Variants in SCHIP1 observed in about 807,000 individuals in gnomAD.
SCHIP1 encodes schwannomin interacting protein 1, also known as schwannomin-interacting protein 1.
SCHIP1 carries 8 observed loss-of-function variants against 29.7 expected under a neutral mutation model. The observed-to-expected ratio is 0.27, with a 90% CI of 0.16 to 0.49. SCHIP1 has a LOEUF of 0.49. Ranked by LOEUF, SCHIP1 falls within the 20% of genes least tolerant of loss-of-function variation. The probability of loss-of-function intolerance (pLI) is 0.99; values close to 1 mark genes in which losing one functional copy is unlikely to be tolerated. For missense variants in SCHIP1, 193 were observed against 294.6 expected (o/e 0.66, Z 2.52); for synonymous variants, 76 against 94.9 (o/e 0.80, Z 1.16).
chr3:159,796,512 G>A, the SCHIP1 span, among the ~76,000 whole-genome samples: 3 of 152,120 alleles, frequency 2.0e-5, no homozygotes, highest in East Asian at 1.9e-4. Context: ...GGAAAGCAGC[G>A]ATGTAAAATG....
chr3:159,603,771 A>T, the SCHIP1 span, among the ~76,000 whole-genome samples: 1 of 152,116 alleles, frequency 6.6e-6, no homozygotes, highest in African/African-American at 2.4e-5. Context: ...TATAAAGAAA[A>T]GAAATTTATT....
the SCHIP1 span, among the ~76,000 whole-genome samples, chr3:159,393,799 T>C: frequency 6.6e-6 from 1 of 152,026 alleles, no homozygotes; most frequent in Admixed American, 6.6e-5. Context: ...CGATGCGGGC[T>C]CTTTTTTGGT....
the SCHIP1 span, among the ~76,000 whole-genome samples, chr3:159,323,663 G>C: frequency 6.6e-6 from 1 of 152,174 alleles, no homozygotes; most frequent in East Asian, 1.9e-4. Context: ...TGGAAATAAA[G>C]ACCAACCAAA....
the SCHIP1 span, among the ~76,000 whole-genome samples, chr3:159,415,036 T>C: frequency 0.036 from 5,486 of 152,224 alleles, 255 homozygotes; most frequent in African/African-American, 0.1. Flanking sequence ...CTATGTTTTC[T>C]TAACTAGGCT....
exon 1 of SCHIP1, chr3:159,839,954 C>A (rs1560076725): frequency 7.0e-7 from 1 of 1,418,764 alleles, no homozygotes; most frequent in Non-Finnish European, 9.1e-7. Context: ...CTAAGCCTGC[C>A]TCACTGGTTT....
At chr3:159,699,637 G>A in the SCHIP1 span, among the ~76,000 whole-genome samples, 5 of 152,348 alleles carry the variant, frequency 3.3e-5, 1 homozygote, top group Middle Eastern at 6.8e-3. Context: ...GGGAAGATGA[G>A]CAGTGACATT....
the SCHIP1 span, among the ~76,000 whole-genome samples, chr3:159,377,529 A>G: frequency 6.6e-6 from 1 of 152,208 alleles, no homozygotes; most frequent in African/African-American, 2.4e-5. Context: ...TCGGCTGAAG[A>G]TGGCTGAAGG....
chr3:159,623,017 C>T, the SCHIP1 span, among the ~76,000 whole-genome samples: 1 of 152,194 alleles, frequency 6.6e-6, no homozygotes, highest in Non-Finnish European at 1.5e-5. Context: ...GTTGTAGTGT[C>T]ATCTGCAGGA....
chr3:159,535,871 T>TCTTA, the SCHIP1 span, among the ~76,000 whole-genome samples: 655 of 152,250 alleles, frequency 4.3e-3, 8 homozygotes, highest in African/African-American at 0.015. Context: ...TAAAATCCAT[T>TCTTA]CTTAGCTCAT....
At chr3:159,465,216 C>G in the SCHIP1 span, among the ~76,000 whole-genome samples, 2 of 152,006 alleles carry the variant, frequency 1.3e-5, no homozygotes, top group African/African-American at 2.4e-5. Flanking sequence ...AGGTATCAAA[C>G]TGAAAATCTG....
the SCHIP1 span, among the ~76,000 whole-genome samples, chr3:159,547,926 A>C: frequency 6.6e-6 from 1 of 152,166 alleles, no homozygotes; most frequent in Non-Finnish European, 1.5e-5. Flanking sequence ...TCATTTATCT[A>C]TTAAAATAAT....
chr3:159,841,858 G>T (rs1041805468), intron 1 of SCHIP1, among the ~76,000 whole-genome samples: 2 of 152,136 alleles, frequency 1.3e-5, no homozygotes, highest in Non-Finnish European at 2.9e-5. Flanking sequence ...GGGTAATAAT[G>T]GTCAATAGAT....
At chr3:159,628,519 G>A in the SCHIP1 span, among the ~76,000 whole-genome samples, 1 of 152,066 alleles carries the variant, frequency 6.6e-6, no homozygotes, top group Non-Finnish European at 1.5e-5. Context: ...TGATTATTAG[G>A]TTCAAGAAAA....
At chr3:159,883,042 G>C (rs925655015) in intron 2 of SCHIP1, among the ~76,000 whole-genome samples, 5 of 152,308 alleles carry the variant, frequency 3.3e-5, no homozygotes, top group African/African-American at 1.2e-4. Flanking sequence ...GTAGCTCCGG[G>C]CAGCAGCGTT....
the SCHIP1 span, among the ~76,000 whole-genome samples, chr3:159,658,781 G>A: frequency 6.6e-6 from 1 of 152,128 alleles, no homozygotes; most frequent in Non-Finnish European, 1.5e-5. Context: ...ATGTCTACCT[G>A]CCATATCAGG....
chr3:159,687,816 G>C, the SCHIP1 span, among the ~76,000 whole-genome samples: 1 of 152,066 alleles, frequency 6.6e-6, no homozygotes, highest in East Asian at 1.9e-4. Context: ...TGTCCTCATT[G>C]TTCAACTTCC....
the SCHIP1 span, among the ~76,000 whole-genome samples, chr3:159,783,718 C>A: frequency 6.6e-6 from 1 of 152,152 alleles, no homozygotes; most frequent in African/African-American, 2.4e-5. Flanking sequence ...TAGTGTTAAA[C>A]TTCTAAGGCT....
the SCHIP1 span, among the ~76,000 whole-genome samples, chr3:159,412,449 GACATGATA>G: frequency 1.3e-5 from 2 of 152,186 alleles, no homozygotes; most frequent in Admixed American, 6.6e-5. Context: ...TCTGCATCCT[GACATGATA>G]CATACACAGC....
the SCHIP1 span, among the ~76,000 whole-genome samples, chr3:159,793,968 C>T: frequency 1.3e-5 from 2 of 152,322 alleles, no homozygotes; most frequent in African/African-American, 2.4e-5. Flanking sequence ...GACTCTCCTT[C>T]CTCTCTCTTA....
Sources: allele counts gnomAD v4.1 joint callset (sites outside exome capture counted in the v4.1 genomes callset), GRCh38; gene constraint gnomAD v4.1.1; transcripts MANE v1.5; gene names NCBI Gene and HGNC (gene_info 2026-07-23, HGNC 2026-07-21).